The following CFAP77 variants were observed in gnomAD, a reference collection of about 807,000 sequenced individuals.
The protein encoded by CFAP77 is cilia- and flagella-associated protein 77.
A neutral mutation model predicts 31.1 loss-of-function variants in CFAP77; 25 were observed. The observed-to-expected ratio is 0.80, with a 90% CI of 0.59 to 1.12. The LOEUF (loss-of-function observed/expected upper bound fraction) is 1.12, where lower values mean the gene tolerates loss of function less well. CFAP77 is among the 50% of genes most tolerant of loss of function. The pLI is 0.00. For synonymous variants in CFAP77, 151 were observed against 159.9 expected (o/e 0.94, Z 0.42); for missense variants, 377 against 397.3 (o/e 0.95, Z 0.44).
chr9:132,518,488 C>A (rs781190712), intron 3 of CFAP77, among the ~76,000 whole-genome samples: 18 of 152,208 alleles, frequency 1.2e-4, no homozygotes, highest in Non-Finnish European at 7.3e-5. Flanking sequence ...GGGCAACTCG[C>A]TCCATTTCTC....
intron 3 of CFAP77, among the ~76,000 whole-genome samples, chr9:132,509,358 A>G (rs1024386863): frequency 1.3e-5 from 2 of 152,092 alleles, no homozygotes; most frequent in South Asian, 4.1e-4. Context: ...AGCCCGGGCT[A>G]CCTCTGCTGG....
intron 5 of CFAP77, among the ~76,000 whole-genome samples, chr9:132,570,334 C>T (rs187737123): frequency 5.3e-5 from 8 of 152,328 alleles, no homozygotes; most frequent in East Asian, 1.9e-4. Flanking sequence ...CTATGCTACG[C>T]GCTCTGACCT....
At chr9:132,423,449 G>T (rs1055072130) in intron 1 of CFAP77, among the ~76,000 whole-genome samples, 1 of 152,180 alleles carries the variant, frequency 6.6e-6, no homozygotes, top group Non-Finnish European at 1.5e-5. Context: ...ACTGTGTGCC[G>T]GGCACTGTGC....
At chr9:132,458,353 G>C (rs929767878) in intron 1 of CFAP77, among the ~76,000 whole-genome samples, 1 of 117,156 alleles carries the variant, frequency 8.5e-6, no homozygotes, top group Non-Finnish European at 1.9e-5. Context: ...GGGGGAGGGG[G>C]GGGGGTGTGT....
At chr9:132,482,169 TTCTC>T in intron 1 of CFAP77, 2 of 591,932 alleles carry the variant, frequency 3.4e-6, no homozygotes, top group Non-Finnish European at 3.0e-6. Context: ...CTTTTTCCTT[TTCTC>T]TCTTTCTTTC....
chr9:132,477,020 A>G lies in CFAP77; in HGVS notation c.196-21675A>G, dbSNP rs552918092. ...CCCAGCCGCTGGTGCTGTGACGCCA[A>G]CCTCCTCTGGTCTTGGGGCTGCCGG... On this transcript the variant is annotated intron_variant, in intron 1 of 5. Coordinates refer to ENST00000393216, the MANE Select transcript of CFAP77 (RefSeq NM_001282957.2). Among the ~76,000 whole-genome samples the G allele has an allele frequency of 1.3e-3, 197 of 152,058 alleles. 2 individuals carry two copies. Among genetic ancestry groups the G allele is most frequent in the South Asian group, 2.9e-3 (14 of 4,800 alleles).
At chr9:132,541,723 AAC>A (rs892293970) in intron 4 of CFAP77, among the ~76,000 whole-genome samples, 1 of 152,324 alleles carries the variant, frequency 6.6e-6, no homozygotes, top group Middle Eastern at 3.4e-3. Flanking sequence ...AACAACAAAA[AAC>A]ACAAAAAAAC....
At chr9:132,523,281 G>T (rs911657119) in intron 3 of CFAP77, among the ~76,000 whole-genome samples, 1 of 151,996 alleles carries the variant, frequency 6.6e-6, no homozygotes, top group Non-Finnish European at 1.5e-5. Context: ...TAGAGACAGG[G>T]TTTCGCCACA....
intron 5 of CFAP77, among the ~76,000 whole-genome samples, chr9:132,550,426 C>G (rs1031446133): frequency 6.6e-6 from 1 of 151,942 alleles, no homozygotes; most frequent in Non-Finnish European, 1.5e-5. Flanking sequence ...TAGCTCATCT[C>G]CAGGAGAATA....
At position 132,499,609 on chromosome 9, in the gene CFAP77, G is replaced by T; in HGVS notation, c.524+9G>T. The T allele has an allele frequency of 6.2e-7, 1 of 1,613,558 alleles. No individual in the cohort carries two copies. Among genetic ancestry groups the T allele is most frequent in the Non-Finnish European group, 8.5e-7 (1 of 1,179,448 alleles). On this transcript the variant is annotated intron_variant, in intron 3 of 5. Coordinates refer to ENST00000393216, the MANE Select transcript of CFAP77 (RefSeq NM_001282957.2). This position sits in a 1 kb window ranked among gnomAD's most constrained non-coding sequence, Gnocchi z 5.4. The stretch of plus-strand genomic sequence containing the variant: ...TTTGGGATCCGGGCACGGTAAGGTG[G>T]CTGGCAGCCAGGGCTTCATCCCTTG...
chr9:132,522,350 G>T (rs1213247277), intron 3 of CFAP77, among the ~76,000 whole-genome samples: 2 of 149,538 alleles, frequency 1.3e-5, no homozygotes, highest in Non-Finnish European at 3.0e-5. Context: ...GGAGTGTGCT[G>T]TGTGACCCTG....
intron 3 of CFAP77, among the ~76,000 whole-genome samples, chr9:132,503,514 G>T (rs2118975426): frequency 6.6e-6 from 1 of 152,292 alleles, no homozygotes; most frequent in East Asian, 1.9e-4. Flanking sequence ...TAGATAGGGG[G>T]CTGCACTAGT....
chr9:132,478,659 G>A (rs1341760529), intron 1 of CFAP77, among the ~76,000 whole-genome samples: 1 of 152,228 alleles, frequency 6.6e-6, no homozygotes, highest in African/African-American at 2.4e-5. Flanking sequence ...GTGGGCTGGA[G>A]GTGACGAGGA....
At position 132,545,708 on chromosome 9, in the gene CFAP77, A is replaced by G. The variant is rs1347881858; in HGVS notation, c.732+2661A>G. ...TCCTTGTCAGGAAGTAACACCAACAAAAAGTATTTACCGAGCCCTTAGAAT... is the reference window on the plus strand; with the variant it reads ...TCCTTGTCAGGAAGTAACACCAACAGAAAGTATTTACCGAGCCCTTAGAAT... On this transcript the variant is annotated intron_variant, in intron 5 of 5. Transcript: ENST00000393216. This position sits in a 1 kb window ranked among gnomAD's most constrained non-coding sequence, Gnocchi z 4.6. Among the ~76,000 whole-genome samples the G allele has an allele frequency of 2.0e-5, 3 of 152,156 alleles. No homozygotes were observed. Among genetic ancestry groups the G allele is most frequent in the Non-Finnish European group, 4.4e-5 (3 of 68,030 alleles).
In CFAP77 at chr9:132,429,564, G is replaced by C. The variant is rs797016567; in HGVS notation, c.195+19098G>C. ...AAAAAAAAAAAAAAAAAAAAAAAAGGCCGGGCCCAGTGGCTCATGCCTGTA... is the reference window on the plus strand; with the variant it reads ...AAAAAAAAAAAAAAAAAAAAAAAAGCCCGGGCCCAGTGGCTCATGCCTGTA... On this transcript the variant is annotated intron_variant, in intron 1 of 5. Transcript: ENST00000393216. Among the ~76,000 whole-genome samples the C allele has an allele frequency of 9.0e-3, 1,284 of 142,268 alleles. 21 individuals are homozygous for C. The highest frequency in any genetic ancestry group is 0.033 in the African/African-American group (1,201 of 36,910). The allele number at this position is 142,268 out of a possible 152,430, so 93.3% of individuals were successfully genotyped here. A position where few individuals can be genotyped will look rare whatever the true frequency, so the allele number is the denominator to read the frequency against.
At chr9:132,500,168 A>T (rs1193044596) in intron 3 of CFAP77, among the ~76,000 whole-genome samples, 1 of 151,750 alleles carries the variant, frequency 6.6e-6, no homozygotes, top group Non-Finnish European at 1.5e-5. Flanking sequence ...AAAAAAAAAA[A>T]AACCTGTCTC....
At chr9:132,571,366 C>T (rs78781624) in intron 5 of CFAP77, among the ~76,000 whole-genome samples, 2,596 of 152,256 alleles carry the variant, frequency 0.017, 82 homozygotes, top group African/African-American at 0.06. Flanking sequence ...CTTCGAGACC[C>T]CCTGTATGCA....
At chr9:132,520,325 A>T (rs1411543681) in intron 3 of CFAP77, among the ~76,000 whole-genome samples, 1 of 152,188 alleles carries the variant, frequency 6.6e-6, no homozygotes, top group African/African-American at 2.4e-5. Context: ...TGACAAATTT[A>T]TACACCTGGG....
At chr9:132,473,580 C>T (rs1851297926) in intron 1 of CFAP77, among the ~76,000 whole-genome samples, 1 of 152,186 alleles carries the variant, frequency 6.6e-6, no homozygotes, top group Non-Finnish European at 1.5e-5. Flanking sequence ...CCAGGCCAAA[C>T]CAGACGCGTG....
Sources: allele counts gnomAD v4.1 joint callset (sites outside exome capture counted in the v4.1 genomes callset), GRCh38; gene constraint gnomAD v4.1.1; non-coding constraint Gnocchi (gnomAD v3.1); transcripts MANE v1.5; gene names NCBI Gene and HGNC (gene_info 2026-07-23, HGNC 2026-07-21).